DTNA: variants seen among roughly 807,000 people sequenced by gnomAD.
DTNA encodes the protein dystrophin-related protein 3.
A neutral mutation model predicts 100.7 loss-of-function variants in DTNA; 43 were observed. The ratio of observed to expected loss-of-function variants is 0.43; its 90% CI spans 0.33 to 0.55. The LOEUF (loss-of-function observed/expected upper bound fraction) is 0.55, where lower values mean the gene tolerates loss of function less well. DTNA is among the 20% of genes least tolerant of loss of function. The pLI is 0.04. For missense variants in DTNA, 798 were observed against 953.9 expected (o/e 0.84, Z 2.15); for synonymous variants, 349 against 347.9 (o/e 1.00, Z -0.04).
chr18:34,812,259 C>T (rs2095500431), intron 6 of DTNA, 146 bp downstream of exon 6: 3 of 1,155,770 alleles, frequency 2.6e-6, no homozygotes, highest in Admixed American at 4.0e-5. Context: ...GGCAAATGAC[C>T]TCTGAGCCAG....
At chr18:34,805,296 A>G (rs113787756) in intron 4 of DTNA, among the ~76,000 whole-genome samples, 1 of 152,144 alleles carries the variant, frequency 6.6e-6, no homozygotes, top group Non-Finnish European at 1.5e-5. Context: ...CACTTGTGTC[A>G]TTTGGGTAGA....
intron 20 of DTNA, among the ~76,000 whole-genome samples, chr18:34,879,979 G>C (rs931061862): frequency 6.6e-6 from 1 of 152,064 alleles, no homozygotes; most frequent in African/African-American, 2.4e-5. Context: ...AAGGCACATT[G>C]CTAGTGCTAT....
rs1188052662 is a variant in DTNA at position 34,890,008 on chromosome 18, C to T, written c.*2274C>T. ...CCAGCTACCTATAATGCTGTCAGCT[C>T]AAAATCATAGCCAGGTAGTTCTTGA... On this transcript the variant is annotated 3_prime_UTR_variant, in exon 23 of 23. Coordinates refer to ENST00000444659, the MANE Select transcript of DTNA (RefSeq NM_001386795.1). The T allele has an allele frequency of 1.6e-6, 2 of 1,225,064 alleles. No homozygotes were observed. The highest frequency in any genetic ancestry group is 3.9e-5 in the Admixed American group (1 of 25,724). 75.9% of individuals were successfully genotyped at this position (1,225,064 alleles called of 1,614,324 possible).
At chr18:34,532,658 A>G (rs1031828289) in intron 1 of DTNA, among the ~76,000 whole-genome samples, 8 of 152,174 alleles carry the variant, frequency 5.3e-5, no homozygotes, top group Admixed American at 2.0e-4. Flanking sequence ...CAAAAACAGC[A>G]TGTATCGCAC....
intron 11 of DTNA, among the ~76,000 whole-genome samples, chr18:34,833,716 AAG>A (rs1003660191): frequency 4.6e-5 from 7 of 152,172 alleles, no homozygotes; most frequent in African/African-American, 1.4e-4. Context: ...CGATAAGAAA[AAG>A]AGATTTGTGT....
At chr18:34,600,758 G>A (rs1309077166) in intron 1 of DTNA, among the ~76,000 whole-genome samples, 1 of 152,182 alleles carries the variant, frequency 6.6e-6, no homozygotes, top group Non-Finnish European at 1.5e-5. Context: ...GTAGACATAT[G>A]AAGTGTTCCA....
Position 34,888,044 on chromosome 18 carries a change from C to G in DTNA, c.*310C>G, listed in dbSNP as rs913460976. 2 of 985,762 alleles carry G rather than the reference C, an allele frequency of 2.0e-6. No homozygotes were observed. The highest frequency in any genetic ancestry group is 3.5e-5 in the African/African-American group (2 of 57,244). 61.1% of individuals were successfully genotyped at this position (985,762 alleles called of 1,614,324 possible). ...TTCAAAGTTAACTTATCAGCTACATCCTCTGTAACGTGGTTCATCCCTGGT... is the reference window on the plus strand; with the variant it reads ...TTCAAAGTTAACTTATCAGCTACATGCTCTGTAACGTGGTTCATCCCTGGT... On this transcript the variant is annotated 3_prime_UTR_variant, in exon 23 of 23. Coordinates refer to ENST00000444659, the MANE Select transcript of DTNA (RefSeq NM_001386795.1).
chr18:34,529,207 T>G (rs2042919593), intron 1 of DTNA, among the ~76,000 whole-genome samples: 1 of 152,152 alleles, frequency 6.6e-6, no homozygotes, highest in Non-Finnish European at 1.5e-5. Context: ...ATATTAGAAC[T>G]CTATATATTT....
At chr18:34,857,060 G>C (rs1459290470) in intron 15 of DTNA, among the ~76,000 whole-genome samples, 1 of 152,176 alleles carries the variant, frequency 6.6e-6, no homozygotes, top group Non-Finnish European at 1.5e-5. Flanking sequence ...GCAACACAGG[G>C]ACTTGTCCTC....
intron 1 of DTNA, among the ~76,000 whole-genome samples, chr18:34,503,189 T>TTGCATATC (rs1478695261): frequency 6.6e-6 from 1 of 152,096 alleles, no homozygotes; most frequent in East Asian, 1.9e-4. Context: ...TAATGGGTGT[T>TTGCATATC]TGCATATCTC....
chr18:34,806,713 T>G (rs558974599), intron 5 of DTNA, among the ~76,000 whole-genome samples: 1 of 152,306 alleles, frequency 6.6e-6, no homozygotes, highest in Non-Finnish European at 1.5e-5. Flanking sequence ...CAGCCAGCAC[T>G]GTTCAAATCA....
At chr18:34,552,827 A>G (rs2045589638) in intron 1 of DTNA, among the ~76,000 whole-genome samples, 1 of 145,914 alleles carries the variant, frequency 6.9e-6, no homozygotes, top group Non-Finnish European at 1.5e-5. Context: ...GAATAATGCC[A>G]CAATAAACAT....
chr18:34,740,703 G>A (rs1249301098), intron 1 of DTNA, among the ~76,000 whole-genome samples: 3 of 152,070 alleles, frequency 2.0e-5, no homozygotes, highest in African/African-American at 7.2e-5. Flanking sequence ...GGCTGAAGCG[G>A]GAGGATAATT....
At chr18:34,769,210 T>C (rs2093639033) in intron 3 of DTNA, among the ~76,000 whole-genome samples, 1 of 152,190 alleles carries the variant, frequency 6.6e-6, no homozygotes, top group Non-Finnish European at 1.5e-5. Flanking sequence ...AAGTTTTCCT[T>C]TCTAACAATA....
chr18:34,601,612 A>G (rs897879609), intron 1 of DTNA, among the ~76,000 whole-genome samples: 2 of 152,228 alleles, frequency 1.3e-5, no homozygotes, highest in African/African-American at 4.8e-5. Flanking sequence ...ACTTAAAGTC[A>G]TATATATCTG....
At chr18:34,665,443 T>C (rs1404612097) in intron 1 of DTNA, among the ~76,000 whole-genome samples, 1 of 152,178 alleles carries the variant, frequency 6.6e-6, no homozygotes, top group Non-Finnish European at 1.5e-5. Flanking sequence ...TTTATTACAC[T>C]TTAAGTTCTA....
intron 1 of DTNA, among the ~76,000 whole-genome samples, chr18:34,688,539 G>A (rs1310810653): frequency 1.3e-5 from 2 of 152,230 alleles, no homozygotes; most frequent in African/African-American, 4.8e-5. Context: ...TTCCCTTTGT[G>A]GGTAACGCGA....
At chr18:34,667,049 C>G (rs1437685726) in intron 1 of DTNA, among the ~76,000 whole-genome samples, 2 of 152,134 alleles carry the variant, frequency 1.3e-5, no homozygotes, top group African/African-American at 4.8e-5. Context: ...TTCTTCCTAT[C>G]CATGAGCATG....
At chr18:34,584,834 A>T (rs1325756931) in intron 1 of DTNA, among the ~76,000 whole-genome samples, 1 of 152,142 alleles carries the variant, frequency 6.6e-6, no homozygotes, top group African/African-American at 2.4e-5. Flanking sequence ...GAAGAGGAGA[A>T]GGAAGAAATG....
Sources: gnomAD v4.1 joint callset for allele counts (sites outside exome capture counted in the v4.1 genomes callset) on GRCh38, gnomAD v4.1.1 for gene constraint, MANE v1.5 for transcripts, NCBI Gene and HGNC (gene_info 2026-07-23, HGNC 2026-07-21) for gene names.